PDZD4: variants seen among roughly 807,000 people sequenced by gnomAD.
PDZD4 encodes PDZ domain containing 4.
In PDZD4, 9 loss-of-function variants were observed where a neutral mutation model predicts 38.5. The observed-to-expected ratio is 0.23, with a 90% CI of 0.14 to 0.41. The LOEUF (loss-of-function observed/expected upper bound fraction) is 0.41. Ranked by LOEUF, PDZD4 falls within the 10% of genes least tolerant of loss-of-function variation. The pLI is 1.00. For missense variants in PDZD4, 612 were observed against 722.0 expected (o/e 0.85, Z 1.75); for synonymous variants, 349 against 315.7 (o/e 1.11, Z -1.12).
intron 1 of PDZD4, among the ~76,000 whole-genome samples, chrX:153,814,516 C>T (rs1212621056): frequency 3.2e-5 from 3 of 92,909 alleles, no homozygotes; most frequent in Admixed American, 1.3e-4. Context: ...TCATCAAGTG[C>T]AAACTTCTCT....
intron 1 of PDZD4, among the ~76,000 whole-genome samples, chrX:153,816,492 C>T (rs373612580): frequency 1.0e-4 from 11 of 109,731 alleles, no homozygotes; most frequent in African/African-American, 2.3e-4. Context: ...CCGGGAAGCA[C>T]GGGAGATGAG....
chrX:153,818,747 T>C (rs1254769106), intron 1 of PDZD4, among the ~76,000 whole-genome samples: 1 of 111,110 alleles, frequency 9.0e-6, no homozygotes, highest in Non-Finnish European at 1.9e-5. Flanking sequence ...CTTCCGGAGC[T>C]TTTTGCAGAG....
In PDZD4 at chrX:153,804,334, C is replaced by T; in HGVS notation, c.1347G>A (p.Leu449=). The change falls in exon 8 of 8, where the codon CTG becomes CTA. Residue 449 remains leucine, a synonymous_variant. Coordinates refer to ENST00000393758, the MANE Select transcript of PDZD4 (RefSeq NM_001303512.2). Reference sequence around the variant, plus strand: ...CGTGCTTCTTGGGCTCGCTGGCCGCCAGGTCGTAGAGGCTCTCCTCCTCCA... The same window carrying T: ...CGTGCTTCTTGGGCTCGCTGGCCGCTAGGTCGTAGAGGCTCTCCTCCTCCA... ...WLLEEESLYD[L]AASEPKKHEL... is the part of the protein sequence containing the mutation. 1 of 1,207,023 alleles carries T rather than the reference C, an allele frequency of 8.3e-7. No homozygotes were observed. Among genetic ancestry groups the T allele is most frequent in the Non-Finnish European group, 1.1e-6 (1 of 894,116 alleles).
chrX:153,830,170 C>A, intron 1 of PDZD4, 69 bp downstream of exon 1: 1 of 1,031,479 alleles, frequency 9.7e-7, no homozygotes, highest in Non-Finnish European at 1.3e-6. Flanking sequence ...CCCGCCGCTC[C>A]GGGCCTCCCC....
chrX:153,826,243 A>AAAAGAAAAG (rs1346089274), intron 1 of PDZD4, among the ~76,000 whole-genome samples: 1 of 108,897 alleles, frequency 9.2e-6, no homozygotes, highest in Non-Finnish European at 1.9e-5. Context: ...AGAAAGAAAG[A>AAAAGAAAAG]AAAGAAAAGA....
intron 5 of PDZD4, 104 bp from the exon 6 acceptor site, chrX:153,805,710 G>A: frequency 1.6e-6 from 1 of 634,679 alleles, no homozygotes; most frequent in Non-Finnish European, 2.6e-6. Flanking sequence ...GCTGGGCTAG[G>A]CTGGGGCTTG....
In PDZD4 at chrX:153,821,886, C is replaced by G. The variant is rs113815482; in HGVS notation, c.60+8353G>C. On this transcript the variant is annotated intron_variant, in intron 1 of 7. Coordinates refer to ENST00000393758, the MANE Select transcript of PDZD4 (RefSeq NM_001303512.2). The stretch of plus-strand genomic sequence containing the variant: ...GCGGCCTCTCAGACACCTCCATAGT[C>G]CTGGCTCAGAAGCAGAAAGGAGGCC... Among the ~76,000 whole-genome samples the G allele has an allele frequency of 9.3e-3, 1,035 of 111,670 alleles. 17 individuals carry two copies. Among genetic ancestry groups the G allele is most frequent in the African/African-American group, 0.032 (987 of 30,745 alleles).
chrX:153,804,973 C>A (rs2047328696), intron 7 of PDZD4, 73 bp from the exon 8 acceptor site: 8 of 1,128,984 alleles, frequency 7.1e-6, no homozygotes, highest in African/African-American at 1.8e-5. Flanking sequence ...ACAGGAGGAT[C>A]GGAAGGGGCT....
At chrX:153,807,024 C>T (rs1557077296) in intron 3 of PDZD4, among the ~76,000 whole-genome samples, 184 bp from the exon 4 acceptor site, 2 of 112,373 alleles carry the variant, frequency 1.8e-5, no homozygotes, top group Admixed American at 1.9e-4. Flanking sequence ...TACCATCCCA[C>T]GTGGCGCACG....
chrX:153,813,079 G>C (rs1037508540), intron 1 of PDZD4, among the ~76,000 whole-genome samples: 3 of 110,240 alleles, frequency 2.7e-5, no homozygotes, highest in Non-Finnish European at 5.7e-5. Flanking sequence ...AAGACCTACA[G>C]GGACAAAGCA....
chrX:153,805,276 G>A, intron 6 of PDZD4, 69 bp from the exon 7 acceptor site: 1 of 983,749 alleles, frequency 1.0e-6, no homozygotes. Flanking sequence ...TGTCTGCTCT[G>A]GACCCCGCAC....
intron 1 of PDZD4, among the ~76,000 whole-genome samples, chrX:153,809,394 G>A (rs979898982): frequency 2.7e-5 from 3 of 112,292 alleles, no homozygotes; most frequent in Non-Finnish European, 5.6e-5. Context: ...AGACCATCCT[G>A]GCTAAACACA....
At chrX:153,808,648 C>T in intron 1 of PDZD4, 53 bp from the exon 2 acceptor site, 1 of 1,100,721 alleles carries the variant, frequency 9.1e-7, no homozygotes. Context: ...CTCCTCCCCT[C>T]TGAGGTCAAG....
Position 153,807,336 on chromosome X carries a change from C to T in PDZD4, c.348G>A (p.Ala116=), listed in dbSNP as rs782163983. 15 of 1,208,771 alleles carry T rather than the reference C, an allele frequency of 1.2e-5. No homozygotes were observed. The highest frequency in any genetic ancestry group is 4.4e-5 in the Admixed American group (2 of 45,885). Reference sequence around the variant, plus strand: ...CCTGCGGGCCGCCCTCCATAAACTCCGCCGGGTCATAATACTCATGGCTGA... The same window carrying T: ...CCTGCGGGCCGCCCTCCATAAACTCTGCCGGGTCATAATACTCATGGCTGA... The part of the protein sequence containing the change: ...PPISHEYYDP[A]EFMEGGPQEA... Residue 116 remains alanine, a synonymous_variant, in exon 3 of 8, where the codon GCG becomes GCA. Coordinates refer to ENST00000393758, the MANE Select transcript of PDZD4 (RefSeq NM_001303512.2).
chrX:153,803,072 G>T lies in PDZD4; in HGVS notation c.*281C>A. 4.0e-6 allele frequency: 1 copy of T among 250,950 alleles called. No homozygotes were observed. Among genetic ancestry groups the T allele is most frequent in the African/African-American group, 2.8e-5 (1 of 36,072 alleles). The allele number at this position is 250,950 out of a possible 1,213,427, so 20.7% of individuals were successfully genotyped here. On this transcript the variant is annotated 3_prime_UTR_variant, in exon 8 of 8. Coordinates refer to ENST00000393758, the MANE Select transcript of PDZD4 (RefSeq NM_001303512.2). ...CGCAAGAGCATGGGGGATGGGGAAT[G>T]CACACGCACAGCTGAAGGGGTGCCC... is the stretch of plus-strand genomic sequence containing the variant.
At chrX:153,813,220 G>A (rs1221896543) in intron 1 of PDZD4, among the ~76,000 whole-genome samples, 10 of 112,200 alleles carry the variant, frequency 8.9e-5, no homozygotes, top group African/African-American at 2.9e-4. Flanking sequence ...GTAAAAAGGC[G>A]GGCTCAGAGG....
At chrX:153,820,684 T>C (rs2064414302) in intron 1 of PDZD4, among the ~76,000 whole-genome samples, 1 of 112,176 alleles carries the variant, frequency 8.9e-6, no homozygotes, top group Admixed American at 9.5e-5. Flanking sequence ...CCAGTCCTTA[T>C]AGAATGCGCC....
chrX:153,817,957 A>C (rs1569543653), intron 1 of PDZD4, among the ~76,000 whole-genome samples: 1 of 112,665 alleles, frequency 8.9e-6, no homozygotes, highest in Non-Finnish European at 1.9e-5. Context: ...TAAAATCATA[A>C]GATGACGGCC....
intron 1 of PDZD4, among the ~76,000 whole-genome samples, chrX:153,829,203 TCCCCCG>T (rs1349699140): frequency 1.0e-5 from 1 of 95,315 alleles, no homozygotes; most frequent in Non-Finnish European, 2.1e-5. Flanking sequence ...AGCCCCTCCT[TCCCCCG>T]CCCCCGCCCC....
Sources: allele counts gnomAD v4.1 joint callset (sites outside exome capture counted in the v4.1 genomes callset), GRCh38; gene constraint gnomAD v4.1.1; transcripts MANE v1.5; gene names NCBI Gene and HGNC (gene_info 2026-07-23, HGNC 2026-07-21).